The following GSDME variants were observed in gnomAD, a reference collection of about 807,000 sequenced individuals.
GSDME encodes gasdermin-E.
GSDME carries 44 observed loss-of-function variants against 47.5 expected under a neutral mutation model. The ratio of observed to expected loss-of-function variants is 0.93; its 90% CI spans 0.73 to 1.19. The LOEUF (loss-of-function observed/expected upper bound fraction) is 1.19, where lower values mean the gene tolerates loss of function less well. Ranked by LOEUF, GSDME falls within the 50% of genes most tolerant of loss-of-function variation. The pLI, the probability that GSDME is intolerant of heterozygous loss-of-function variation, is 0.00. For synonymous variants in GSDME, 258 were observed against 252.8 expected (o/e 1.02, Z -0.20); for missense variants, 663 against 604.2 (o/e 1.10, Z -1.02).
In GSDME at chr7:24,702,847, A is replaced by G. The variant is rs1562684673; in HGVS notation, c.1184-14T>C. The G allele has an allele frequency of 6.2e-7, 1 of 1,611,214 alleles. No individual in the cohort carries two copies. On this transcript the variant is annotated splice_polypyrimidine_tract_variant and intron_variant, in intron 8 of 9. Coordinates refer to ENST00000645220, the MANE Select transcript of GSDME (RefSeq NM_001127453.2). ...TATCTGGCATTTCTGCAGGAGAGAA[A>G]AATCACAGTCACAGTCCAAAAAAAC...
At chr7:24,786,736 G>A in the GSDME span, among the ~76,000 whole-genome samples, 5 of 152,200 alleles carry the variant, frequency 3.3e-5, no homozygotes, top group Non-Finnish European at 7.3e-5. This position sits in a 1 kb window ranked among gnomAD's most constrained non-coding sequence, Gnocchi z 5.5. Flanking sequence ...GTGGACAGTC[G>A]TGATGGCTGC....
chr7:24,699,389 C>G (rs1788769575), intron 9 of GSDME, 130 bp from the exon 10 acceptor site: 2 of 716,516 alleles, frequency 2.8e-6, no homozygotes, highest in Non-Finnish European at 5.0e-6. Context: ...GTCGTCCAGG[C>G]TGGAGTGCAG....
chr7:24,700,357 T>C (rs1428819739), intron 9 of GSDME, among the ~76,000 whole-genome samples: 2 of 152,196 alleles, frequency 1.3e-5, no homozygotes, highest in Non-Finnish European at 2.9e-5. Flanking sequence ...CGTAATATTT[T>C]ACAAATCTTA....
At position 24,709,514 on chromosome 7, in the gene GSDME, G is replaced by A. The variant is rs146494334; in HGVS notation, c.862+710C>T. On this transcript the variant is annotated intron_variant, in intron 6 of 9. Coordinates refer to ENST00000645220, the MANE Select transcript of GSDME (RefSeq NM_001127453.2). ...GACTCATCGAAGCTCCACAGATGTAGTCACCAGGGCTTCTGTGCTTACCCT... is the reference window on the plus strand; with the variant it reads ...GACTCATCGAAGCTCCACAGATGTAATCACCAGGGCTTCTGTGCTTACCCT... 1.1e-4 allele frequency among the ~76,000 whole-genome samples: 17 copies of A among 152,304 alleles called. No homozygotes were observed. The East Asian group carries it at 3.1e-3, about 28-fold the overall frequency.
At chr7:24,778,578 G>A in the GSDME span, among the ~76,000 whole-genome samples, 6 of 152,312 alleles carry the variant, frequency 3.9e-5, no homozygotes, top group South Asian at 1.2e-3. The surrounding 1 kb of genome is among the most constrained non-coding windows in gnomAD (Gnocchi z 5.6). Flanking sequence ...TGCCCCAGGT[G>A]TTGGGTTCCA....
At chr7:24,751,678 C>T (rs1231618107) in intron 1 of GSDME, among the ~76,000 whole-genome samples, 2 of 152,198 alleles carry the variant, frequency 1.3e-5, no homozygotes, top group African/African-American at 4.8e-5. Flanking sequence ...TAAGGATGCT[C>T]AGGCTGTCAT....
rs147046234 is a variant in GSDME, at chr7:24,749,737, A to C, written c.38T>G (p.Val13Gly). The C allele has an allele frequency of 3.7e-6, 6 of 1,614,054 alleles. No individual in the cohort carries two copies. In the African/African-American group the frequency reaches 6.7e-5, roughly 18 times the overall value. The part of the protein sequence containing the change: ...AKATRNFLRE[V>G]DADGDLIAVS... ...TGCAATCAGGTCACCATCAGCATCA[A>C]CTTCTCTAAGAAAATTCCTGGTTGC... Residue 13 changes from valine (V) to glycine (G), a missense_variant, in exon 2 of 10, where the codon GTT (valine) becomes GGT (glycine). By Grantham distance (109) the Val-to-Gly change is moderately radical (BLOSUM62 -3). Transcript: ENST00000645220.
chr7:24,789,008 G>A, the GSDME span, among the ~76,000 whole-genome samples: 5 of 152,222 alleles, frequency 3.3e-5, no homozygotes, highest in South Asian at 6.2e-4. Flanking sequence ...ATCAGGGTTC[G>A]TGAATTGCTT....
At chr7:24,700,973 G>C (rs1788841472) in intron 9 of GSDME, among the ~76,000 whole-genome samples, 1 of 152,200 alleles carries the variant, frequency 6.6e-6, no homozygotes, top group South Asian at 2.1e-4. Context: ...CCAGAGGGTG[G>C]TGGAGTGAAG....
chr7:24,789,356 C>T, the GSDME span, among the ~76,000 whole-genome samples: 5 of 152,046 alleles, frequency 3.3e-5, no homozygotes, highest in Non-Finnish European at 7.4e-5. Flanking sequence ...GGGCTTTATT[C>T]GGCTGGGAGC....
chr7:24,702,483 A>G, intron 9 of GSDME: 2 of 380,466 alleles, frequency 5.3e-6, no homozygotes, highest in Non-Finnish European at 1.0e-5. Context: ...AATTCTCTCC[A>G]AACAATGGGA....
chr7:24,729,305 T>C (rs1790067301), intron 3 of GSDME, among the ~76,000 whole-genome samples: 1 of 152,270 alleles, frequency 6.6e-6, no homozygotes, highest in African/African-American at 2.4e-5. Flanking sequence ...TTTTAAATCC[T>C]GAATCTAGGC....
the GSDME span, among the ~76,000 whole-genome samples, chr7:24,766,535 T>C: frequency 6.6e-6 from 1 of 152,174 alleles, no homozygotes; most frequent in African/African-American, 2.4e-5. The surrounding 1 kb of genome is among the most constrained non-coding windows in gnomAD (Gnocchi z 4.2). Flanking sequence ...CTCCCACTTA[T>C]GAGTGAGAAC....
Position 24,735,881 on chromosome 7 carries a change from G to A in GSDME, c.404+8681C>T, listed in dbSNP as rs925945069. Among the ~76,000 whole-genome samples the A allele has an allele frequency of 6.6e-6, 1 of 151,974 alleles. No individual in the cohort carries two copies. Among genetic ancestry groups the A allele is most frequent in the Non-Finnish European group, 1.5e-5 (1 of 68,008 alleles). ...AAAAAAGGAAAAAGTTAAGCCGGGG[G>A]ACAAAGTTAAGGCGTGGAGTTTGTA... On this transcript the variant is annotated intron_variant, in intron 3 of 9. Coordinates refer to ENST00000645220, the MANE Select transcript of GSDME (RefSeq NM_001127453.2). The surrounding 1 kb of genome is among the most constrained non-coding windows in gnomAD (Gnocchi z 4.4).
the GSDME span, among the ~76,000 whole-genome samples, chr7:24,768,660 G>C: frequency 5.3e-5 from 8 of 152,310 alleles, no homozygotes; most frequent in East Asian, 1.5e-3. This position sits in a 1 kb window ranked among gnomAD's most constrained non-coding sequence, Gnocchi z 5.6. Flanking sequence ...TGAAACGTCA[G>C]CCTCTGGCTG....
At chr7:24,781,246 A>C in the GSDME span, among the ~76,000 whole-genome samples, 1 of 152,172 alleles carries the variant, frequency 6.6e-6, no homozygotes, top group Non-Finnish European at 1.5e-5. Flanking sequence ...TGGGTGCTGG[A>C]GCTGAGTCTT....
At chr7:24,703,709 CAAGA>C (rs1788975868) in intron 8 of GSDME, 1 of 152,368 alleles carries the variant, frequency 6.6e-6, no homozygotes, top group African/African-American at 2.4e-5. Context: ...GGCTCGTTCT[CAAGA>C]GAGAGTGTAG....
At chr7:24,782,885 A>C in the GSDME span, among the ~76,000 whole-genome samples, 1 of 152,220 alleles carries the variant, frequency 6.6e-6, no homozygotes, top group African/African-American at 2.4e-5. Context: ...GTGTCTGTTC[A>C]TATCCTTTGC....
chr7:24,749,638 C>G lies in GSDME; in HGVS notation c.137G>C (p.Trp46Ser). 14 of 1,614,078 alleles carry G rather than the reference C, an allele frequency of 8.7e-6. No homozygotes were observed. Among genetic ancestry groups the G allele is most frequent in the Non-Finnish European group, 1.2e-5 (14 of 1,180,018 alleles). ...LVTKKKRFWCWQRPKYQFLSL... is the reference protein window; with the variant it reads ...LVTKKKRFWCSQRPKYQFLSL... ...TAAAAACTGGTACTTGGGTCTCTGC[C>G]AGCACCAGAATCTCTTCTTTTTTGT... The change falls in exon 2 of 10, where the codon TGG becomes TCG. Residue 46 changes from tryptophan to serine, a missense_variant. Trp to Ser is a radical substitution (Grantham distance 177, BLOSUM62 -3). Coordinates refer to ENST00000645220, the MANE Select transcript of GSDME (RefSeq NM_001127453.2).
Sources: gnomAD v4.1 joint callset for allele counts (sites outside exome capture counted in the v4.1 genomes callset) on GRCh38, gnomAD v4.1.1 for gene constraint, Gnocchi (gnomAD v3.1) non-coding constraint, MANE v1.5 for transcripts, NCBI Gene and HGNC (gene_info 2026-07-23, HGNC 2026-07-21) for gene names.